STK31: variants seen among roughly 807,000 people sequenced by gnomAD.
STK31 encodes serine/threonine kinase 31.
STK31 carries 89 observed loss-of-function variants against 129.7 expected under a neutral mutation model. That is an observed-to-expected ratio of 0.69 (90% CI 0.58 to 0.82). The LOEUF (loss-of-function observed/expected upper bound fraction) is 0.82, where lower values mean the gene tolerates loss of function less well. Among genes scored for constraint, STK31 ranks in the 40% least tolerant of loss-of-function variants. The probability of loss-of-function intolerance (pLI) is 0.00; values close to 1 mark genes in which losing one functional copy is unlikely to be tolerated. For synonymous variants in STK31, 448 were observed against 395.3 expected (o/e 1.13, Z -1.58); for missense variants, 1,187 against 1,176.4 (o/e 1.01, Z -0.13).
intron 8 of STK31, among the ~76,000 whole-genome samples, chr7:23,738,351 C>T (rs1319496015): frequency 1.3e-5 from 2 of 151,938 alleles, no homozygotes; most frequent in African/African-American, 4.8e-5. Flanking sequence ...CCAGAAGCTC[C>T]CCAAATCTCA....
At chr7:23,711,633 C>T (rs1022000407) in intron 1 of STK31, among the ~76,000 whole-genome samples, 5 of 152,054 alleles carry the variant, frequency 3.3e-5, no homozygotes, top group Non-Finnish European at 7.4e-5. Flanking sequence ...TTTTTGCAGT[C>T]TTTAATCCCA....
chr7:23,800,848 T>C (rs1463545351), intron 22 of STK31, among the ~76,000 whole-genome samples: 1 of 152,174 alleles, frequency 6.6e-6, no homozygotes, highest in South Asian at 2.1e-4. Flanking sequence ...TCATTCAGCA[T>C]GTGAATCATC....
At chr7:23,808,442 G>C (rs1792858935) in intron 22 of STK31, among the ~76,000 whole-genome samples, 1 of 151,994 alleles carries the variant, frequency 6.6e-6, no homozygotes, top group African/African-American at 2.4e-5. Context: ...TTGCTACCTG[G>C]TGAGAGTGGA....
chr7:23,822,473 C>T (rs73273211), intron 23 of STK31, among the ~76,000 whole-genome samples: 1,563 of 152,194 alleles, frequency 0.01, 34 homozygotes, highest in African/African-American at 0.035. Flanking sequence ...CTGATTTTTA[C>T]ATGTTGATTC....
At chr7:23,807,779 A>G (rs1038886308) in intron 22 of STK31, among the ~76,000 whole-genome samples, 1 of 151,114 alleles carries the variant, frequency 6.6e-6, no homozygotes. Flanking sequence ...CTATTTTTTC[A>G]TCTTCAGATT....
rs1485768461 is a variant in STK31, at chr7:23,735,725, A to G, written c.671A>G (p.Lys224Arg). The part of the protein sequence containing the change: ...LASRTDICEE[K>R]KLDPGQLVLR... ...TCCAGAACTGACATCTGTGAGGAAA[A>G]AAAATTGGATCCTGGTCAACTTGTT... The change falls in exon 7 of 24, where the codon AAA (lysine) becomes AGA (arginine). Residue 224 changes from lysine (K) to arginine (R), a missense_variant. Coordinates refer to ENST00000355870, the MANE Select transcript of STK31 (RefSeq NM_031414.5). 2.5e-6 allele frequency: 4 copies of G among 1,614,110 alleles called. No individual in the cohort carries two copies. The East Asian group carries it at 8.9e-5, about 36-fold the overall frequency.
intron 8 of STK31, among the ~76,000 whole-genome samples, chr7:23,748,741 A>C (rs760338711): frequency 1.3e-5 from 2 of 152,212 alleles, no homozygotes; most frequent in Non-Finnish European, 2.9e-5. Flanking sequence ...CTTTACTGTG[A>C]GAATACAGTA....
intron 6 of STK31, among the ~76,000 whole-genome samples, chr7:23,732,397 ATG>A (rs1325495785): frequency 5.3e-5 from 8 of 152,364 alleles, no homozygotes; most frequent in African/African-American, 1.9e-4. Context: ...AAATGTTTAT[ATG>A]TATTATATAT....
intron 6 of STK31, among the ~76,000 whole-genome samples, chr7:23,733,889 C>G (rs2128078657): frequency 6.6e-6 from 1 of 152,134 alleles, no homozygotes; most frequent in African/African-American, 2.4e-5. Context: ...CATTTAAAAA[C>G]ATTCTGAGAA....
chr7:23,824,749 CTT>C (rs1236536165), intron 23 of STK31, among the ~76,000 whole-genome samples: 1 of 151,958 alleles, frequency 6.6e-6, no homozygotes, highest in Non-Finnish European at 1.5e-5. Flanking sequence ...ATAGATACCT[CTT>C]ATTATTTTAA....
At chr7:23,763,212 C>T (rs187955542) in intron 11 of STK31, among the ~76,000 whole-genome samples, 107 of 152,236 alleles carry the variant, frequency 7.0e-4, no homozygotes, top group Admixed American at 2.5e-3. Flanking sequence ...GGGTCCCTAT[C>T]GTCCATTGCA....
chr7:23,809,501 G>T (rs539439352), intron 22 of STK31, among the ~76,000 whole-genome samples: 3 of 152,206 alleles, frequency 2.0e-5, no homozygotes, highest in Admixed American at 2.0e-4. Flanking sequence ...TATACACAGG[G>T]AATTGGTTTC....
At chr7:23,778,424 AGT>A (rs1790697979) in intron 15 of STK31, among the ~76,000 whole-genome samples, 1 of 152,176 alleles carries the variant, frequency 6.6e-6, no homozygotes, top group South Asian at 2.1e-4. Context: ...AATATGCTTA[AGT>A]GTGTTTTCCA....
chr7:23,756,866 T>C (rs1035851071), intron 10 of STK31, among the ~76,000 whole-genome samples: 6 of 152,206 alleles, frequency 3.9e-5, no homozygotes, highest in Non-Finnish European at 5.9e-5. Context: ...GGTAAGTTTT[T>C]TGATGTGCTG....
chr7:23,726,723 A>T (rs193064772), intron 4 of STK31, among the ~76,000 whole-genome samples: 2 of 152,092 alleles, frequency 1.3e-5, no homozygotes, highest in Admixed American at 1.3e-4. Flanking sequence ...AGTATTAAAG[A>T]TATTATCTAA....
chr7:23,716,146 T>G (rs952916546), intron 3 of STK31, among the ~76,000 whole-genome samples: 2 of 152,224 alleles, frequency 1.3e-5, no homozygotes, highest in Admixed American at 6.5e-5. Context: ...TTGGTTTCCT[T>G]TAACCTCTGA....
intron 4 of STK31, among the ~76,000 whole-genome samples, chr7:23,719,539 A>G (rs1439906559): frequency 6.6e-6 from 1 of 152,138 alleles, no homozygotes; most frequent in South Asian, 2.1e-4. Flanking sequence ...TTAACTCAAA[A>G]TAAAGTGAAC....
chr7:23,721,949 A>G (rs1021849241), intron 4 of STK31, among the ~76,000 whole-genome samples: 1 of 151,776 alleles, frequency 6.6e-6, no homozygotes, highest in African/African-American at 2.4e-5. Context: ...ACTTCTCTAC[A>G]CTGTTTATTC....
At chr7:23,808,886 C>T (rs919608936) in intron 22 of STK31, among the ~76,000 whole-genome samples, 3 of 151,184 alleles carry the variant, frequency 2.0e-5, no homozygotes, top group African/African-American at 7.3e-5. Flanking sequence ...TTCTGTTCTG[C>T]TAGGCCACCC....
Sources: allele counts gnomAD v4.1 joint callset (sites outside exome capture counted in the v4.1 genomes callset), GRCh38; gene constraint gnomAD v4.1.1; transcripts MANE v1.5; gene names NCBI Gene and HGNC (gene_info 2026-07-23, HGNC 2026-07-21).